SIM2: variants seen among roughly 807,000 people sequenced by gnomAD.
SIM2 encodes the protein SIM bHLH transcription factor 2, also known as single-minded homolog 2.
Under a neutral mutation model 64.8 loss-of-function variants are expected in SIM2, and 28 were observed. The ratio of observed to expected loss-of-function variants is 0.43; its 90% CI spans 0.32 to 0.59. SIM2 has a LOEUF of 0.59. Among genes scored for constraint, SIM2 ranks in the 20% least tolerant of loss-of-function variants. SIM2 has a pLI of 0.07. For synonymous variants in SIM2, 408 were observed against 391.1 expected (o/e 1.04, Z -0.51); for missense variants, 847 against 871.4 (o/e 0.97, Z 0.35).
In SIM2 at chr21:36,699,865, C is replaced by T. The variant is rs772347076; in HGVS notation, c.119C>T (p.Ala40Val). 1.2e-6 allele frequency: 2 copies of T among 1,609,028 alleles called. No homozygotes were observed. Among genetic ancestry groups the T allele is most frequent in the Admixed American group, 1.7e-5 (1 of 59,674 alleles). Residue 40 changes from alanine to valine, a missense_variant, in exon 1 of 11, where the codon GCG becomes GTG. Physicochemically the swap from Ala to Val is moderately conservative, Grantham distance 64. Transcript: ENST00000290399. The surrounding 1 kb of genome is among the most constrained non-coding windows in gnomAD (Gnocchi z 5.6). ...PSAITSQLDK[A>V]SIIRLTTSYL... is the part of the protein sequence containing the mutation. ...GCCATCACTTCGCAGCTGGACAAAG[C>T]GTCCATCATCCGCCTCACCACGAGC...
At chr21:36,701,861 C>T (rs1047989803) in intron 1 of SIM2, among the ~76,000 whole-genome samples, 3 of 152,212 alleles carry the variant, frequency 2.0e-5, no homozygotes, top group Non-Finnish European at 2.9e-5. Flanking sequence ...CCGCATGCAA[C>T]AAAGCAGGTG....
intron 1 of SIM2, among the ~76,000 whole-genome samples, chr21:36,706,856 A>G (rs183436638): frequency 6.6e-6 from 1 of 152,364 alleles, no homozygotes; most frequent in East Asian, 1.9e-4. Context: ...GGGGAATTAC[A>G]GAAAAACTAT....
chr21:36,708,124 G>A (rs1601687123), intron 1 of SIM2, among the ~76,000 whole-genome samples: 2 of 152,322 alleles, frequency 1.3e-5, no homozygotes, highest in Middle Eastern at 6.8e-3. Flanking sequence ...ACCGACCCTC[G>A]CCATCTGGCG....
chr21:36,747,866 C>T lies in SIM2; in HGVS notation c.1778C>T (p.Ala593Val), dbSNP rs1172534371. 9.6e-7 allele frequency: 1 copy of T among 1,045,922 alleles called. No homozygotes were observed. Among genetic ancestry groups the T allele is most frequent in the Non-Finnish European group, 1.2e-6 (1 of 865,794 alleles). The allele number at this position is 1,045,922 out of a possible 1,614,324, so 64.8% of individuals were successfully genotyped here. A position where few individuals can be genotyped will look rare whatever the true frequency, so the allele number is the denominator to read the frequency against. ...ACCCCCGAGGCCCCGGGCGCGCCGG[C>T]GCAGCTGCCCTTCGTGCTGCTCAAC... ...PPTPEAPGAPAQLPFVLLNYH... is the reference protein window; with the variant it reads ...PPTPEAPGAPVQLPFVLLNYH... The change falls in exon 11 of 11, where the codon GCG becomes GTG. Residue 593 changes from alanine to valine, a missense_variant. Ala to Val is a moderately conservative substitution (Grantham distance 64). Around this residue, in one of 3 missense-constraint regions of SIM2, gnomAD observed 447 missense variants for 414.6 expected, o/e 1.08. Transcript: ENST00000290399. This position sits in a 1 kb window ranked among gnomAD's most constrained non-coding sequence, Gnocchi z 4.5.
At chr21:36,725,436 A>G (rs1225094263) in intron 5 of SIM2, among the ~76,000 whole-genome samples, 2 of 152,168 alleles carry the variant, frequency 1.3e-5, no homozygotes, top group Admixed American at 6.5e-5. Flanking sequence ...GAAGGTGGTA[A>G]GCAGCATCGT....
In SIM2 at chr21:36,709,192, C is replaced by A; in HGVS notation, c.200C>A (p.Pro67Gln). Residue 67 changes from proline (P) to glutamine (Q), a missense_variant, in exon 2 of 11, where the codon CCG becomes CAG. Transcript: ENST00000290399. ...GGTTTAGGAGACGCGTGGGGACAGC[C>A]GAGCCGCGCCGGGCCCCTGGACGGC... ...PEGLGDAWGQPSRAGPLDGVA... is the reference protein window; with the variant it reads ...PEGLGDAWGQQSRAGPLDGVA... 1 of 1,610,164 alleles carries A rather than the reference C, an allele frequency of 6.2e-7. No individual in the cohort carries two copies. Among genetic ancestry groups the A allele is most frequent in the East Asian group, 2.2e-5 (1 of 44,706 alleles).
chr21:36,735,988 G>C (rs1312999320), intron 7 of SIM2, among the ~76,000 whole-genome samples: 3 of 152,172 alleles, frequency 2.0e-5, no homozygotes, highest in Non-Finnish European at 4.4e-5. Flanking sequence ...GTTCCACCAG[G>C]GTCCCCACTG....
Position 36,742,216 on chromosome 21 carries a change from A to G in SIM2, c.998+352A>G, listed in dbSNP as rs150525797. Among the ~76,000 whole-genome samples the G allele has an allele frequency of 2.3e-3, 345 of 152,154 alleles. 1 individual carries two copies. Among genetic ancestry groups the G allele is most frequent in the African/African-American group, 7.8e-3 (325 of 41,508 alleles). ...GGTGCAAAGAGGGTGCACACCCCCC[A>G]TCAAGAATATAAACTTGTGCTATCC... On this transcript the variant is annotated intron_variant, in intron 8 of 10. Coordinates refer to ENST00000290399, the MANE Select transcript of SIM2 (RefSeq NM_005069.6).
chr21:36,706,890 A>G (rs1028971326), intron 1 of SIM2, among the ~76,000 whole-genome samples: 3 of 152,254 alleles, frequency 2.0e-5, no homozygotes, highest in Middle Eastern at 3.2e-3. Context: ...AGAACAAGTT[A>G]TCTTGAACTG....
intron 3 of SIM2, among the ~76,000 whole-genome samples, chr21:36,712,848 G>A (rs1012001573): frequency 2.6e-5 from 4 of 152,116 alleles, no homozygotes; most frequent in Admixed American, 6.5e-5. Flanking sequence ...TTCATGACCA[G>A]TGTGTCTTCA....
At chr21:36,722,684 C>G in intron 4 of SIM2, among the ~76,000 whole-genome samples, 1 of 152,202 alleles carries the variant, frequency 6.6e-6, no homozygotes, top group African/African-American at 2.4e-5. Context: ...CCTTGGGTCA[C>G]ACACACTCAA....
At position 36,726,410 on chromosome 21, in the gene SIM2, A is replaced by G. The variant is rs1397440466; in HGVS notation, c.743+92A>G. 15 of 1,076,550 alleles carry G rather than the reference A, an allele frequency of 1.4e-5. No homozygotes were observed. The highest frequency in any genetic ancestry group is 1.9e-5 in the Non-Finnish European group (14 of 738,698). 66.7% of individuals were successfully genotyped at this position (1,076,550 alleles called of 1,614,324 possible). A position where few individuals can be genotyped will look rare whatever the true frequency, so the allele number is the denominator to read the frequency against. On this transcript the variant is annotated intron_variant, in intron 6 of 10. Coordinates refer to ENST00000290399, the MANE Select transcript of SIM2 (RefSeq NM_005069.6). The surrounding 1 kb of genome is among the most constrained non-coding windows in gnomAD (Gnocchi z 4.5). The stretch of plus-strand genomic sequence containing the variant: ...TGAAAGCTGCCATCTTGGCCAAATC[A>G]TAACAAGGAATAAGTCATAATAGGA...
chr21:36,738,296 G>A (rs1013109364), intron 7 of SIM2, among the ~76,000 whole-genome samples: 3 of 152,108 alleles, frequency 2.0e-5, no homozygotes, highest in African/African-American at 7.2e-5. Context: ...CATGAGGTCA[G>A]GAGTTAGAGA....
chr21:36,700,756 C>T (rs139307673), intron 1 of SIM2, among the ~76,000 whole-genome samples: 2 of 152,226 alleles, frequency 1.3e-5, no homozygotes, highest in African/African-American at 2.4e-5. Context: ...CCGCCCCCGC[C>T]GTTGCTGAGC....
intron 1 of SIM2, among the ~76,000 whole-genome samples, chr21:36,702,645 A>G (rs2088518408): frequency 6.6e-6 from 1 of 152,148 alleles, no homozygotes; most frequent in South Asian, 2.1e-4. Context: ...GTGGCAGTGG[A>G]GTGGCATCTT....
chr21:36,726,424 G>A lies in SIM2; in HGVS notation c.743+106G>A. Reference sequence around the variant, plus strand: ...TTGGCCAAATCATAACAAGGAATAAGTCATAATAGGAATGTGGATTAAGCA... The same window carrying A: ...TTGGCCAAATCATAACAAGGAATAAATCATAATAGGAATGTGGATTAAGCA... On this transcript the variant is annotated intron_variant, in intron 6 of 10. Coordinates refer to ENST00000290399, the MANE Select transcript of SIM2 (RefSeq NM_005069.6). The surrounding 1 kb of genome is among the most constrained non-coding windows in gnomAD (Gnocchi z 4.5). 4 of 976,170 alleles carry A rather than the reference G, an allele frequency of 4.1e-6. No homozygotes were observed. The highest frequency in any genetic ancestry group is 6.1e-6 in the Non-Finnish European group (4 of 656,072). The allele number at this position is 976,170 out of a possible 1,614,324, so 60.5% of individuals were successfully genotyped here.
chr21:36,700,273 G>C (rs1214925534), intron 1 of SIM2, among the ~76,000 whole-genome samples: 1 of 18,226 alleles, frequency 5.5e-5, no homozygotes, highest in Admixed American at 3.8e-4. Context: ...TTCTGGTTTG[G>C]TTTGGATTTT....
rs2089217326 is a variant in SIM2 at position 36,745,373 on chromosome 21, A to G, written c.1576+237A>G. ...ACACTAGTGACAGTATAAAGGGCAAAGGAAAACCGAGTATCTGGCCTTCAC... is the reference window on the plus strand; with the variant it reads ...ACACTAGTGACAGTATAAAGGGCAAGGGAAAACCGAGTATCTGGCCTTCAC... On this transcript the variant is annotated intron_variant, in intron 10 of 10. Coordinates refer to ENST00000290399, the MANE Select transcript of SIM2 (RefSeq NM_005069.6). The surrounding 1 kb of genome is among the most constrained non-coding windows in gnomAD (Gnocchi z 4.8). 7.2e-7 allele frequency: 1 copy of G among 1,395,224 alleles called. No homozygotes were observed. Among genetic ancestry groups the G allele is most frequent in the African/African-American group, 1.5e-5 (1 of 68,640 alleles). The allele number at this position is 1,395,224 out of a possible 1,614,324, so 86.4% of individuals were successfully genotyped here. A position where few individuals can be genotyped will look rare whatever the true frequency, so the allele number is the denominator to read the frequency against.
Position 36,747,909 on chromosome 21 carries a change from C to G in SIM2, c.1821C>G (p.Ala607=), listed in dbSNP as rs2089254147. 1 of 1,056,812 alleles carries G rather than the reference C, an allele frequency of 9.5e-7. No individual in the cohort carries two copies. Among genetic ancestry groups the G allele is most frequent in the Non-Finnish European group, 1.1e-6 (1 of 870,820 alleles). The allele number at this position is 1,056,812 out of a possible 1,614,324, so 65.5% of individuals were successfully genotyped here. A position where few individuals can be genotyped will look rare whatever the true frequency, so the allele number is the denominator to read the frequency against. Residue 607 remains alanine, a synonymous_variant, in exon 11 of 11, where the codon GCC becomes GCG. Coordinates refer to ENST00000290399, the MANE Select transcript of SIM2 (RefSeq NM_005069.6). The surrounding 1 kb of genome is among the most constrained non-coding windows in gnomAD (Gnocchi z 4.5). ...TGCTCAACTACCACCGCGTGCTGGCCCGGCGCGGACCGCTGGGGGGCGCCG... is the reference window on the plus strand; with the variant it reads ...TGCTCAACTACCACCGCGTGCTGGCGCGGCGCGGACCGCTGGGGGGCGCCG... ...FVLLNYHRVL[A]RRGPLGGAAP...
Sources: allele counts gnomAD v4.1 joint callset (sites outside exome capture counted in the v4.1 genomes callset), GRCh38; gene constraint gnomAD v4.1.1; regional missense constraint gnomAD v4.1.1; non-coding constraint Gnocchi (gnomAD v3.1); transcripts MANE v1.5; gene names NCBI Gene and HGNC (gene_info 2026-07-23, HGNC 2026-07-21).